CNTNAP2: variants seen among roughly 807,000 people sequenced by gnomAD.
CNTNAP2 encodes contactin-associated protein-like 2.
In CNTNAP2, 98 loss-of-function variants were observed where a neutral mutation model predicts 155.2. The observed-to-expected ratio is 0.63, with a 90% CI of 0.54 to 0.75. The LOEUF is 0.75. Among genes scored for constraint, CNTNAP2 ranks in the 30% least tolerant of loss-of-function variants. The probability of loss-of-function intolerance (pLI) is 0.00; values close to 1 mark genes in which losing one functional copy is unlikely to be tolerated. For synonymous variants in CNTNAP2, 651 were observed against 631.2 expected, an observed-to-expected ratio of 1.03 and a Z score of -0.47; for missense variants, 1,727 against 1,688.1, an observed-to-expected ratio of 1.02 and a Z score of -0.40.
chr7:146,424,255 T>A (rs975065991), intron 1 of CNTNAP2, among the ~76,000 whole-genome samples: 5 of 152,170 alleles, frequency 3.3e-5, no homozygotes, highest in Admixed American at 1.3e-4. Context: ...TTTTCTGTAA[T>A]TCACTAAAAC....
chr7:147,541,724 C>A (rs1038179447), intron 11 of CNTNAP2, among the ~76,000 whole-genome samples: 7 of 152,088 alleles, frequency 4.6e-5, no homozygotes, highest in African/African-American at 1.4e-4. Flanking sequence ...ATGCATAGAA[C>A]TATTTAAAAG....
chr7:146,842,335 T>G (rs1429844354), intron 3 of CNTNAP2, among the ~76,000 whole-genome samples: 1 of 152,176 alleles, frequency 6.6e-6, no homozygotes, highest in Non-Finnish European at 1.5e-5. Context: ...TTCTATTGTC[T>G]TCTCCCTTTC....
intron 13 of CNTNAP2, among the ~76,000 whole-genome samples, chr7:147,738,558 A>G (rs949153568): frequency 2.6e-5 from 4 of 152,164 alleles, no homozygotes; most frequent in Non-Finnish European, 5.9e-5. Flanking sequence ...GCATTTTTTT[A>G]GCAATGAAGC....
intron 15 of CNTNAP2, among the ~76,000 whole-genome samples, chr7:148,002,352 A>G (rs372014239): frequency 8.5e-5 from 13 of 152,268 alleles, no homozygotes; most frequent in East Asian, 1.9e-4. Flanking sequence ...CCAGCATTTC[A>G]ATGGCTCTTT....
chr7:147,527,063 C>T (rs1022853162), intron 11 of CNTNAP2, among the ~76,000 whole-genome samples: 4 of 118,174 alleles, frequency 3.4e-5, no homozygotes, highest in Non-Finnish European at 4.7e-5. Context: ...TTCTCTGTCA[C>T]CTGGGCTGGA....
At chr7:146,543,172 A>C (rs1184348623) in intron 1 of CNTNAP2, among the ~76,000 whole-genome samples, 2 of 151,912 alleles carry the variant, frequency 1.3e-5, no homozygotes, top group Non-Finnish European at 2.9e-5. Context: ...GCACTTAATA[A>C]ATTTTTTTTA....
Position 146,569,137 on chromosome 7 carries a change from C to T in CNTNAP2, c.98-205134C>T, listed in dbSNP as rs907389600. Reference sequence around the variant, plus strand: ...GTTCACGCCATTCTCCTGCCTCAGCCTCCCAAGTAGCTGGGACTACAGGCG... The same window carrying T: ...GTTCACGCCATTCTCCTGCCTCAGCTTCCCAAGTAGCTGGGACTACAGGCG... On this transcript the variant is annotated intron_variant, in intron 1 of 23. Transcript: ENST00000361727. Among the ~76,000 whole-genome samples the T allele has an allele frequency of 5.9e-5, 9 of 152,188 alleles. 1 individual carries two copies. The highest frequency in any genetic ancestry group is 4.6e-4 in the Admixed American group (7 of 15,280).
In CNTNAP2 at chr7:146,593,092, C is replaced by T. The variant is rs556223301; in HGVS notation, c.98-181179C>T. ...GACTGCTCCCTTCCACAGGCCAAAA[C>T]CTCCAACTTCATCTTTCTCTGTCCC... is the stretch of plus-strand genomic sequence containing the variant. On this transcript the variant is annotated intron_variant, in intron 1 of 23. Transcript: ENST00000361727. 7.2e-5 allele frequency among the ~76,000 whole-genome samples: 11 copies of T among 151,994 alleles called. No individual in the cohort carries two copies. The East Asian group carries it at 2.1e-3, about 29-fold the overall frequency.
intron 8 of CNTNAP2, among the ~76,000 whole-genome samples, chr7:147,285,534 A>T (rs1414069866): frequency 1.5e-4 from 23 of 152,136 alleles, no homozygotes; most frequent in Non-Finnish European, 5.9e-5. Flanking sequence ...AATTGATTCA[A>T]GAATTAACCT....
chr7:146,820,225 T>C (rs946684411), intron 2 of CNTNAP2, among the ~76,000 whole-genome samples: 1 of 152,134 alleles, frequency 6.6e-6, no homozygotes, highest in African/African-American at 2.4e-5. Context: ...AAAGCAGGTG[T>C]TCATTTATAG....
intron 4 of CNTNAP2, among the ~76,000 whole-genome samples, chr7:147,078,078 T>A (rs1449997114): frequency 1.3e-5 from 2 of 152,212 alleles, no homozygotes; most frequent in Non-Finnish European, 2.9e-5. Context: ...TACTTACATT[T>A]TTCTCCAATG....
At chr7:148,304,135 A>T (rs574732072) in intron 21 of CNTNAP2, among the ~76,000 whole-genome samples, 2 of 152,202 alleles carry the variant, frequency 1.3e-5, no homozygotes, top group Non-Finnish European at 1.5e-5. Context: ...CAAAACTAAA[A>T]ATAAAAAAGC....
At position 148,006,860 on chromosome 7, in the gene CNTNAP2, C is replaced by T. The variant is rs181705635; in HGVS notation, c.2383+28871C>T. Among the ~76,000 whole-genome samples the T allele has an allele frequency of 2.6e-5, 4 of 152,256 alleles. No individual in the cohort carries two copies. The East Asian group carries it at 7.7e-4, about 29-fold the overall frequency. ...ACTCAATTTTCAAGTGAGATATTCACAGTAATTTGTATCTTCAGGTTGAGG... is the reference window on the plus strand; with the variant it reads ...ACTCAATTTTCAAGTGAGATATTCATAGTAATTTGTATCTTCAGGTTGAGG... On this transcript the variant is annotated intron_variant, in intron 15 of 23. Coordinates refer to ENST00000361727, the MANE Select transcript of CNTNAP2 (RefSeq NM_014141.6).
chr7:147,206,344 C>A (rs1289274448), intron 8 of CNTNAP2, among the ~76,000 whole-genome samples: 2 of 151,072 alleles, frequency 1.3e-5, no homozygotes, highest in Non-Finnish European at 2.9e-5. Context: ...GCAGGCGGAT[C>A]ACTTGAGGTC....
intron 8 of CNTNAP2, among the ~76,000 whole-genome samples, chr7:147,230,119 C>T (rs1021239728): frequency 3.9e-5 from 6 of 152,090 alleles, no homozygotes; most frequent in South Asian, 4.1e-4. Context: ...ATGAAGAACA[C>T]GCTTTTGAAG....
At chr7:146,183,291 A>G (rs548194206) in intron 1 of CNTNAP2, among the ~76,000 whole-genome samples, 5 of 152,158 alleles carry the variant, frequency 3.3e-5, no homozygotes, top group Admixed American at 2.6e-4. Flanking sequence ...CAGATCTCCC[A>G]CTTGGTCCCA....
At chr7:148,404,562 G>A (rs943471617) in intron 22 of CNTNAP2, among the ~76,000 whole-genome samples, 2 of 152,170 alleles carry the variant, frequency 1.3e-5, no homozygotes, top group Non-Finnish European at 2.9e-5. Context: ...GGGTGCCACC[G>A]CTGGGGTGAA....
intron 1 of CNTNAP2, among the ~76,000 whole-genome samples, chr7:146,374,167 A>G (rs1461496915): frequency 6.6e-6 from 1 of 152,094 alleles, no homozygotes; most frequent in Non-Finnish European, 1.5e-5. Context: ...TTGGCTTTTA[A>G]AGTTGTATAT....
At chr7:146,767,735 C>A (rs1160245705) in intron 1 of CNTNAP2, among the ~76,000 whole-genome samples, 1 of 151,872 alleles carries the variant, frequency 6.6e-6, no homozygotes, top group South Asian at 2.1e-4. Flanking sequence ...TAGCATACTT[C>A]TATAACTCTG....
Sources: allele counts gnomAD v4.1 joint callset (sites outside exome capture counted in the v4.1 genomes callset), GRCh38; gene constraint gnomAD v4.1.1; transcripts MANE v1.5; gene names NCBI Gene and HGNC (gene_info 2026-07-23, HGNC 2026-07-21).